KCNH7: variants seen among roughly 807,000 people sequenced by gnomAD.
The protein encoded by KCNH7 is voltage-gated inwardly rectifying potassium channel KCNH7.
Under a neutral mutation model 120.8 loss-of-function variants are expected in KCNH7, and 49 were observed. The observed-to-expected ratio is 0.41, with a 90% CI of 0.32 to 0.51. KCNH7 has a LOEUF of 0.51. Among genes scored for constraint, KCNH7 ranks in the 20% least tolerant of loss-of-function variants. The probability of loss-of-function intolerance (pLI) is 0.38; values close to 1 mark genes in which losing one functional copy is unlikely to be tolerated. For synonymous variants in KCNH7, 547 were observed against 516.1 expected, an observed-to-expected ratio of 1.06 and a Z score of -0.81; for missense variants, 1,097 against 1,446.6, an observed-to-expected ratio of 0.76 and a Z score of 3.92.
intron 6 of KCNH7, among the ~76,000 whole-genome samples, chr2:162,465,707 G>T (rs932412198): frequency 1.3e-5 from 2 of 151,948 alleles, no homozygotes; most frequent in African/African-American, 4.8e-5. Flanking sequence ...TAGTTAACTG[G>T]GTATATCAAT....
intron 2 of KCNH7, among the ~76,000 whole-genome samples, chr2:162,740,759 ACTTTCTGCT>A (rs1688098718): frequency 6.6e-6 from 1 of 152,092 alleles, no homozygotes; most frequent in Non-Finnish European, 1.5e-5. Flanking sequence ...CACTCCTTGA[ACTTTCTGCT>A]CTTTCCATCT....
intron 3 of KCNH7, among the ~76,000 whole-genome samples, chr2:162,524,244 C>A (rs1357572120): frequency 6.6e-6 from 1 of 152,016 alleles, no homozygotes; most frequent in East Asian, 1.9e-4. Context: ...CAGGGATAGC[C>A]CCTTCAGAAT....
intron 3 of KCNH7, among the ~76,000 whole-genome samples, chr2:162,524,588 G>T (rs1038713395): frequency 6.6e-6 from 1 of 151,992 alleles, no homozygotes. Flanking sequence ...ATTGGTATCT[G>T]TGTATCCTTC....
At chr2:162,464,829 T>C (rs967444433) in intron 6 of KCNH7, among the ~76,000 whole-genome samples, 1 of 152,062 alleles carries the variant, frequency 6.6e-6, no homozygotes, top group Admixed American at 6.6e-5. Flanking sequence ...CCCTCTCATA[T>C]ACAGATACAT....
At chr2:162,789,329 C>T (rs891096842) in intron 2 of KCNH7, among the ~76,000 whole-genome samples, 32 of 151,986 alleles carry the variant, frequency 2.1e-4, no homozygotes, top group African/African-American at 7.2e-4. Context: ...AATAGATATA[C>T]AATATCTATT....
At position 162,560,378 on chromosome 2, in the gene KCNH7, G is replaced by C. The variant is rs138060382; in HGVS notation, c.308-23298C>G. On this transcript the variant is annotated intron_variant, in intron 2 of 15. Transcript: ENST00000332142. ...CTGTAACATCGGAACAGGAGCAAAAGTATCACACCATCCTAGACTCAAGGA... is the reference window on the plus strand; with the variant it reads ...CTGTAACATCGGAACAGGAGCAAAACTATCACACCATCCTAGACTCAAGGA... 5.3e-4 allele frequency among the ~76,000 whole-genome samples: 80 copies of C among 152,296 alleles called. 1 individual carries two copies. The East Asian group carries it at 0.014, about 27-fold the overall frequency.
chr2:162,576,477 G>A (rs1305512963), intron 2 of KCNH7, among the ~76,000 whole-genome samples: 1 of 151,558 alleles, frequency 6.6e-6, no homozygotes, highest in Non-Finnish European at 1.5e-5. Context: ...TTAATGGAAT[G>A]TTTTCTTTTA....
intron 2 of KCNH7, among the ~76,000 whole-genome samples, chr2:162,541,986 T>A (rs1692320559): frequency 6.6e-6 from 1 of 152,086 alleles, no homozygotes; most frequent in Admixed American, 6.6e-5. Flanking sequence ...GAGTTGGGGA[T>A]ATAGCAAATT....
At chr2:162,580,989 G>A (rs1383689183) in intron 2 of KCNH7, among the ~76,000 whole-genome samples, 1 of 152,026 alleles carries the variant, frequency 6.6e-6, no homozygotes, top group East Asian at 1.9e-4. Flanking sequence ...CTGCACACAA[G>A]GATGGTCAAT....
At chr2:162,744,938 T>C (rs537443896) in intron 2 of KCNH7, among the ~76,000 whole-genome samples, 1 of 152,318 alleles carries the variant, frequency 6.6e-6, no homozygotes, top group South Asian at 2.1e-4. Flanking sequence ...TCAGTCCTGC[T>C]GATACTCAGA....
intron 2 of KCNH7, among the ~76,000 whole-genome samples, chr2:162,648,329 T>A (rs576573787): frequency 3.4e-4 from 52 of 151,842 alleles, no homozygotes; most frequent in African/African-American, 1.2e-3. Flanking sequence ...AACAACCAGA[T>A]CTCCTGAGAA....
chr2:162,669,786 G>A (rs924117803), intron 2 of KCNH7, among the ~76,000 whole-genome samples: 2 of 152,134 alleles, frequency 1.3e-5, no homozygotes, highest in African/African-American at 2.4e-5. Context: ...ATAGTGCTGA[G>A]GTAATGTCTA....
intron 2 of KCNH7, among the ~76,000 whole-genome samples, chr2:162,539,314 T>C (rs1026798104): frequency 3.9e-5 from 6 of 152,228 alleles, no homozygotes; most frequent in Non-Finnish European, 7.4e-5. Context: ...TAAAATGACA[T>C]TTCCTGGATC....
chr2:162,397,182 T>C (rs754544888), intron 10 of KCNH7, among the ~76,000 whole-genome samples: 2 of 151,802 alleles, frequency 1.3e-5, no homozygotes, highest in Non-Finnish European at 2.9e-5. Flanking sequence ...ATCTAGAATG[T>C]AGCGAACATT....
intron 2 of KCNH7, among the ~76,000 whole-genome samples, chr2:162,742,810 G>A (rs1043874167): frequency 2.0e-5 from 3 of 152,108 alleles, no homozygotes; most frequent in Admixed American, 6.5e-5. Flanking sequence ...ATATGTTAAC[G>A]GCTCTTGTGA....
rs1329522075 is a variant in KCNH7 at position 162,513,450 on chromosome 2, C to T, written c.893-776G>A. ...CTTTCCTTCCTTCCTTCCTTCCTTC[C>T]TTCTCTCCTTCCCTCCCTCCTTCCT... On this transcript the variant is annotated intron_variant, in intron 4 of 15. Transcript: ENST00000332142. Among the ~76,000 whole-genome samples, 66 of 124,492 alleles carry T rather than the reference C, an allele frequency of 5.3e-4. 1 individual carries two copies. The highest frequency in any genetic ancestry group is 1.8e-3 in the African/African-American group (63 of 34,368). The allele number at this position is 124,492 out of a possible 152,430, so 81.7% of individuals were successfully genotyped here. A position where few individuals can be genotyped will look rare whatever the true frequency, so the allele number is the denominator to read the frequency against.
intron 2 of KCNH7, among the ~76,000 whole-genome samples, chr2:162,753,851 T>C (rs149710207): frequency 2.1e-4 from 32 of 152,232 alleles, no homozygotes; most frequent in Admixed American, 5.9e-4. Context: ...AAACTCATAA[T>C]TGATATGTAG....
intron 2 of KCNH7, among the ~76,000 whole-genome samples, chr2:162,558,927 C>A (rs1049650003): frequency 6.6e-6 from 1 of 151,030 alleles, no homozygotes; most frequent in Non-Finnish European, 1.5e-5. Flanking sequence ...TTGTGGCAGG[C>A]GCCTGTAGTC....
intron 2 of KCNH7, among the ~76,000 whole-genome samples, chr2:162,647,479 T>C (rs909058620): frequency 2.2e-4 from 34 of 152,162 alleles, no homozygotes; most frequent in African/African-American, 8.2e-4. Flanking sequence ...GTTGGCTGTG[T>C]CCCCAACCAA....
Sources: allele counts gnomAD v4.1 joint callset (sites outside exome capture counted in the v4.1 genomes callset), GRCh38; gene constraint gnomAD v4.1.1; transcripts MANE v1.5; gene names NCBI Gene and HGNC (gene_info 2026-07-23, HGNC 2026-07-21).